The following GAREM1 variants were observed in gnomAD, a reference collection of about 807,000 sequenced individuals.
The protein encoded by GAREM1 is GRB2-associated and regulator of MAPK protein 1.
A neutral mutation model predicts 71.3 loss-of-function variants in GAREM1; 26 were observed. That is an observed-to-expected ratio of 0.36 (90% CI 0.27 to 0.51). The LOEUF (loss-of-function observed/expected upper bound fraction) is 0.51, where lower values mean the gene tolerates loss of function less well. GAREM1 is among the 20% of genes least tolerant of loss of function. The pLI, the probability that GAREM1 is intolerant of heterozygous loss-of-function variation, is 0.95. For synonymous variants in GAREM1, 440 were observed against 433.2 expected (o/e 1.02, Z -0.20); for missense variants, 1,026 against 1,103.1 (o/e 0.93, Z 0.99).
At chr18:32,332,253 A>C (rs1390139680) in intron 2 of GAREM1, among the ~76,000 whole-genome samples, 3 of 151,988 alleles carry the variant, frequency 2.0e-5, no homozygotes, top group South Asian at 4.2e-4. Flanking sequence ...GGGGCCGGGA[A>C]GAGCGCATTG....
chr18:32,451,542 C>T (rs1300933489), intron 1 of GAREM1, among the ~76,000 whole-genome samples: 1 of 152,116 alleles, frequency 6.6e-6, no homozygotes, highest in Non-Finnish European at 1.5e-5. Context: ...TTCCATTATC[C>T]AGTTATTAAT....
intron 1 of GAREM1, among the ~76,000 whole-genome samples, chr18:32,420,755 G>GAA (rs10683034): frequency 0.062 from 7,596 of 123,124 alleles, 444 homozygotes; most frequent in East Asian, 0.34. Context: ...CTTCAAAAAT[G>GAA]AAAAAAAAAA....
intron 2 of GAREM1, among the ~76,000 whole-genome samples, chr18:32,315,481 GATAT>G (rs965376594): frequency 7.0e-6 from 1 of 143,632 alleles, no homozygotes; most frequent in Non-Finnish European, 1.5e-5. Flanking sequence ...TATAAAAGTA[GATAT>G]ATATAAAATA....
chr18:32,464,545 C>G (rs1229502086), intron 1 of GAREM1, among the ~76,000 whole-genome samples: 1 of 152,172 alleles, frequency 6.6e-6, no homozygotes, highest in Non-Finnish European at 1.5e-5. Flanking sequence ...GAAGCCCAAT[C>G]TTGGTTAGAT....
chr18:32,284,152 C>T (rs2046983836), intron 4 of GAREM1, among the ~76,000 whole-genome samples: 1 of 152,048 alleles, frequency 6.6e-6, no homozygotes, highest in Non-Finnish European at 1.5e-5. Flanking sequence ...GGATCCCACG[C>T]ACATCCTAAA....
chr18:32,290,653 A>G (rs1040901281), intron 3 of GAREM1, among the ~76,000 whole-genome samples: 71 of 152,018 alleles, frequency 4.7e-4, no homozygotes, highest in African/African-American at 1.6e-3. Context: ...AAAAAAAAAA[A>G]AAAAAAAGAA....
At chr18:32,397,563 T>C (rs1486418962) in intron 1 of GAREM1, among the ~76,000 whole-genome samples, 2 of 152,170 alleles carry the variant, frequency 1.3e-5, no homozygotes, top group Non-Finnish European at 2.9e-5. Flanking sequence ...AGAAGGCCAT[T>C]ACATAATGGT....
At chr18:32,459,776 C>A (rs2048934465) in intron 1 of GAREM1, among the ~76,000 whole-genome samples, 2 of 152,102 alleles carry the variant, frequency 1.3e-5, no homozygotes, top group African/African-American at 4.8e-5. Flanking sequence ...TTATTCAAAC[C>A]AACCCTTACT....
chr18:32,328,218 T>G lies in GAREM1; in HGVS notation c.263-17895A>C, dbSNP rs139915336. On this transcript the variant is annotated intron_variant, in intron 2 of 5. Coordinates refer to ENST00000269209, the MANE Select transcript of GAREM1 (RefSeq NM_001242409.2). Reference sequence around the variant, plus strand: ...CTTGTCTTTCATTTACATACAGATTTGAATTTTTTCCAATGTCTATTCAAT... The same window carrying G: ...CTTGTCTTTCATTTACATACAGATTGGAATTTTTTCCAATGTCTATTCAAT... 2.3e-3 allele frequency among the ~76,000 whole-genome samples: 346 copies of G among 152,354 alleles called. 3 individuals are homozygous for G. Among genetic ancestry groups the G allele is most frequent in the African/African-American group, 7.9e-3 (330 of 41,582 alleles).
chr18:32,401,700 C>A (rs185631701), intron 1 of GAREM1, among the ~76,000 whole-genome samples: 1 of 152,028 alleles, frequency 6.6e-6, no homozygotes, highest in Non-Finnish European at 1.5e-5. Flanking sequence ...AGCCATGGGG[C>A]GTATGCAGAA....
In GAREM1 at chr18:32,371,365, G is replaced by A. The variant is rs948225988; in HGVS notation, c.262+21530C>T. Reference sequence around the variant, plus strand: ...ATACCGAGGATTTAAATACTCTGATGGTTTATCTAATTTTAGGGGAACAAA... The same window carrying A: ...ATACCGAGGATTTAAATACTCTGATAGTTTATCTAATTTTAGGGGAACAAA... On this transcript the variant is annotated intron_variant, in intron 2 of 5. Transcript: ENST00000269209. Among the ~76,000 whole-genome samples, 15 of 152,158 alleles carry A rather than the reference G, an allele frequency of 9.9e-5. No homozygotes were observed. In the East Asian group the frequency reaches 1.9e-3, roughly 19 times the overall value.
intron 2 of GAREM1, among the ~76,000 whole-genome samples, chr18:32,340,272 A>T (rs765600080): frequency 1.3e-5 from 2 of 152,210 alleles, no homozygotes; most frequent in Non-Finnish European, 2.9e-5. Flanking sequence ...GGTGTCAGTT[A>T]TTAAACAATC....
intron 2 of GAREM1, among the ~76,000 whole-genome samples, chr18:32,352,616 CA>C (rs1446032148): frequency 3.0e-4 from 46 of 152,126 alleles, no homozygotes; most frequent in East Asian, 1.4e-3. Context: ...AAAGAGGGGA[CA>C]GGGGGTTTAG....
chr18:32,319,434 T>C (rs1265639922), intron 2 of GAREM1, among the ~76,000 whole-genome samples: 1 of 152,210 alleles, frequency 6.6e-6, no homozygotes, highest in African/African-American at 2.4e-5. Context: ...ATAAAAGATA[T>C]GCAGCACTTC....
At chr18:32,365,137 G>C (rs1231246521) in intron 2 of GAREM1, among the ~76,000 whole-genome samples, 4 of 152,112 alleles carry the variant, frequency 2.6e-5, no homozygotes, top group African/African-American at 9.7e-5. Context: ...AGGGCTGTAA[G>C]ATGGAATTGT....
chr18:32,309,750 A>C (rs901056326), intron 3 of GAREM1, among the ~76,000 whole-genome samples: 1 of 152,086 alleles, frequency 6.6e-6, no homozygotes, highest in African/African-American at 2.4e-5. Context: ...AATGGAATGA[A>C]TACATGCTGA....
rs116081692 is a variant in GAREM1 at position 32,418,059 on chromosome 18, T to C, written c.122-25024A>G. On this transcript the variant is annotated intron_variant, in intron 1 of 5. Coordinates refer to ENST00000269209, the MANE Select transcript of GAREM1 (RefSeq NM_001242409.2). ...AAAACTTTCTACCCCATTCCAATTCTCCACCAACATAATAAAATGAGAGAA... is the reference window on the plus strand; with the variant it reads ...AAAACTTTCTACCCCATTCCAATTCCCCACCAACATAATAAAATGAGAGAA... Among the ~76,000 whole-genome samples the C allele has an allele frequency of 4.3e-3, 656 of 152,244 alleles. 2 individuals are homozygous for C. Among genetic ancestry groups the C allele is most frequent in the African/African-American group, 0.015 (641 of 41,548 alleles).
chr18:32,410,556 C>T (rs1186405879), intron 1 of GAREM1, among the ~76,000 whole-genome samples: 1 of 152,014 alleles, frequency 6.6e-6, no homozygotes, highest in Non-Finnish European at 1.5e-5. Context: ...CCCTATGTTG[C>T]CCAGGCTGGT....
chr18:32,385,321 CT>C (rs144035168), intron 2 of GAREM1, among the ~76,000 whole-genome samples: 2,051 of 152,056 alleles, frequency 0.013, 60 homozygotes, highest in African/African-American at 0.047. Context: ...TTTTAACTCT[CT>C]TTTGTAATCT....
Sources: allele counts gnomAD v4.1 joint callset (sites outside exome capture counted in the v4.1 genomes callset), GRCh38; gene constraint gnomAD v4.1.1; transcripts MANE v1.5; gene names NCBI Gene and HGNC (gene_info 2026-07-23, HGNC 2026-07-21).